The following ZNF385D variants were observed in gnomAD, a reference collection of about 807,000 sequenced individuals.
The protein encoded by ZNF385D is zinc finger protein 385D.
Under a neutral mutation model 35.8 loss-of-function variants are expected in ZNF385D, and 15 were observed. The ratio of observed to expected loss-of-function variants is 0.42; its 90% CI spans 0.28 to 0.64. ZNF385D has a LOEUF of 0.64. Among genes scored for constraint, ZNF385D ranks in the 30% least tolerant of loss-of-function variants. The pLI is 0.23. For synonymous variants in ZNF385D, 212 were observed against 186.8 expected (o/e 1.13, Z -1.10); for missense variants, 474 against 494.6 (o/e 0.96, Z 0.39).
At chr3:21,652,744 G>A (rs1012076357) in intron 2 of ZNF385D, among the ~76,000 whole-genome samples, 14 of 151,604 alleles carry the variant, frequency 9.2e-5, no homozygotes, top group African/African-American at 1.9e-4. Context: ...TAGTCCTTGC[G>A]ATAGTCTGCT....
chr3:21,422,247 G>C (rs1428144669), intron 7 of ZNF385D, among the ~76,000 whole-genome samples: 1 of 152,216 alleles, frequency 6.6e-6, no homozygotes, highest in Non-Finnish European at 1.5e-5. Context: ...ATCTGTGCTG[G>C]ACAGAGATAG....
chr3:21,532,390 T>A (rs972245233), intron 3 of ZNF385D, among the ~76,000 whole-genome samples: 28 of 152,162 alleles, frequency 1.8e-4, no homozygotes, highest in Non-Finnish European at 2.1e-4. Flanking sequence ...AAAAGATGAA[T>A]GTGGCCAGGA....
At chr3:22,127,977 G>C (rs1288027146) in intron 3 of ZNF385D, among the ~76,000 whole-genome samples, 2 of 152,104 alleles carry the variant, frequency 1.3e-5, no homozygotes, top group African/African-American at 4.8e-5. Context: ...TTACCAGTGA[G>C]TTTTGTACCT....
intron 3 of ZNF385D, among the ~76,000 whole-genome samples, chr3:22,061,465 T>A (rs1482384414): frequency 6.6e-6 from 1 of 152,158 alleles, no homozygotes; most frequent in East Asian, 1.9e-4. Context: ...GAGTTTATTC[T>A]CTCAAGAGCA....
Position 22,096,335 on chromosome 3 carries a change from TAAA to T in ZNF385D, c.325+72479_325+72481del, listed in dbSNP as rs542278168. ...AATCTAAAAGTTGAAACTATTTTTT[TAAA>T]TAAATAAATACAAATTTTTTTAAAA... On this transcript the variant is annotated intron_variant, in intron 3 of 5. Transcript: ENST00000494108. Among the ~76,000 whole-genome samples, 1,067 of 147,444 alleles carry T rather than the reference TAAA, an allele frequency of 7.2e-3. 6 individuals are homozygous for T. Among genetic ancestry groups the T allele is most frequent in the Middle Eastern group, 0.017 (5 of 290 alleles).
intron 1 of ZNF385D, among the ~76,000 whole-genome samples, chr3:21,705,706 T>C (rs1439872274): frequency 6.6e-6 from 1 of 152,178 alleles, no homozygotes; most frequent in Non-Finnish European, 1.5e-5. Flanking sequence ...AACAAAACCT[T>C]CTCTGTGTTC....
rs1210459976 is a variant in ZNF385D, at chr3:21,412,793, CA to C, written c.*8420del. ...ATAAATATTAATTTGTTCACAGCTGCAAGTTTAACTTAGTACAGGACCACAG... is the reference window on the plus strand; with the variant it reads ...ATAAATATTAATTTGTTCACAGCTGCAGTTTAACTTAGTACAGGACCACAG... On this transcript the variant is annotated 3_prime_UTR_variant, in exon 8 of 8. Transcript: ENST00000281523. 6.6e-6 allele frequency: 1 copy of C among 152,004 alleles called. No individual in the cohort carries two copies. Among genetic ancestry groups the C allele is most frequent in the East Asian group, 1.9e-4 (1 of 5,196 alleles). The allele number at this position is 152,004 out of a possible 1,614,324, so 9.4% of individuals were successfully genotyped here.
chr3:22,244,581 C>T (rs1699674662), intron 2 of ZNF385D, among the ~76,000 whole-genome samples: 1 of 150,584 alleles, frequency 6.6e-6, no homozygotes, highest in African/African-American at 2.5e-5. Flanking sequence ...ATTTAATGTC[C>T]CTTTCAAGTA....
chr3:21,862,420 C>A (rs1697107076), intron 3 of ZNF385D, among the ~76,000 whole-genome samples: 1 of 151,744 alleles, frequency 6.6e-6, no homozygotes, highest in African/African-American at 2.4e-5. Context: ...ATTCTTATAT[C>A]ACAGTACGAT....
chr3:21,802,827 T>C (rs892424683), intron 3 of ZNF385D, among the ~76,000 whole-genome samples: 1 of 152,168 alleles, frequency 6.6e-6, no homozygotes, highest in Non-Finnish European at 1.5e-5. Context: ...AACAAAGTGT[T>C]TGTGAAATGC....
At chr3:21,558,495 T>A (rs116830886) in intron 3 of ZNF385D, among the ~76,000 whole-genome samples, 1 of 152,196 alleles carries the variant, frequency 6.6e-6, no homozygotes, top group Admixed American at 6.6e-5. Context: ...TGACTTCCAA[T>A]TTAATTGCAC....
chr3:21,757,134 T>TTTTTTTTTTTTTTTTTTTTTTTTTG (rs1553654008), intron 3 of ZNF385D, among the ~76,000 whole-genome samples: 2 of 128,232 alleles, frequency 1.6e-5, no homozygotes, highest in African/African-American at 5.9e-5. Flanking sequence ...TTTTTTTTTT[T>TTTTTTTTTTTTTTTTTTTTTTTTTG]TTTTTGTTTT....
At chr3:22,144,694 G>A (rs752840561) in intron 3 of ZNF385D, among the ~76,000 whole-genome samples, 4 of 150,874 alleles carry the variant, frequency 2.7e-5, no homozygotes, top group East Asian at 1.9e-4. Context: ...ATAGTGATCA[G>A]CAGTATTCAA....
At chr3:21,560,851 G>A (rs915555945) in intron 3 of ZNF385D, among the ~76,000 whole-genome samples, 1 of 152,174 alleles carries the variant, frequency 6.6e-6, no homozygotes, top group East Asian at 1.9e-4. Context: ...TGCCCAGGGA[G>A]GAGGAATCTA....
chr3:21,505,434 C>G (rs1706702263), intron 4 of ZNF385D, among the ~76,000 whole-genome samples: 2 of 152,088 alleles, frequency 1.3e-5, no homozygotes, highest in East Asian at 1.9e-4. Flanking sequence ...CCATGCCTGA[C>G]AAAGTTTAAG....
intron 2 of ZNF385D, among the ~76,000 whole-genome samples, chr3:22,183,420 C>A: frequency 6.6e-6 from 1 of 151,976 alleles, no homozygotes; most frequent in East Asian, 1.9e-4. Context: ...TGCAGTGGTG[C>A]AATCTTGGCT....
intron 4 of ZNF385D, among the ~76,000 whole-genome samples, chr3:21,481,286 A>G (rs188597627): frequency 6.6e-6 from 1 of 152,206 alleles, no homozygotes; most frequent in Admixed American, 6.5e-5. Flanking sequence ...TCCAATTCTT[A>G]ATACATAAAT....
intron 2 of ZNF385D, among the ~76,000 whole-genome samples, chr3:22,180,914 C>CTTTTTTTTT (rs61668943): frequency 0.023 from 2,596 of 112,796 alleles, 293 homozygotes; most frequent in African/African-American, 0.094. Flanking sequence ...TGCTTTTGTT[C>CTTTTTTTTT]TTTTTTTTTT....
chr3:22,116,872 T>G lies in ZNF385D; in HGVS notation c.325+51945A>C, dbSNP rs564165517. On this transcript the variant is annotated intron_variant, in intron 3 of 5. Transcript: ENST00000494108. ...AGAAATTGTCTGTAACACTAAAACT[T>G]ATAATGAAAACACTGAGTTGTCACC... Among the ~76,000 whole-genome samples, 4 of 152,194 alleles carry G rather than the reference T, an allele frequency of 2.6e-5. No homozygotes were observed. In the South Asian group the frequency reaches 8.3e-4, roughly 32 times the overall value.
Sources: gnomAD v4.1 joint callset for allele counts (sites outside exome capture counted in the v4.1 genomes callset) on GRCh38, gnomAD v4.1.1 for gene constraint, MANE v1.5 for transcripts, NCBI Gene and HGNC (gene_info 2026-07-23, HGNC 2026-07-21) for gene names.